Variants in CRB1 observed in about 807,000 individuals in gnomAD.
CRB1 encodes crumbs cell polarity complex component 1.
CRB1 carries 83 observed loss-of-function variants against 120.0 expected under a neutral mutation model. The observed-to-expected ratio is 0.69, with a 90% CI of 0.58 to 0.83. CRB1 has a LOEUF of 0.83. Ranked by LOEUF, CRB1 falls within the 40% of genes least tolerant of loss-of-function variation. CRB1 has a pLI of 0.00. For missense variants in CRB1, 1,699 were observed against 1,687.6 expected (o/e 1.01, Z -0.12); for synonymous variants, 625 against 612.5 (o/e 1.02, Z -0.30).
the CRB1 span, among the ~76,000 whole-genome samples, chr1:197,255,364 A>G: frequency 6.6e-6 from 1 of 152,052 alleles, no homozygotes; most frequent in East Asian, 1.9e-4. Context: ...ATTCATATCT[A>G]TTCTCTTGAA....
chr1:197,212,613 G>T, the CRB1 span, among the ~76,000 whole-genome samples: 1 of 152,108 alleles, frequency 6.6e-6, no homozygotes, highest in Non-Finnish European at 1.5e-5. Flanking sequence ...AACAAGGGTA[G>T]GGGAAGTGTG....
At chr1:197,442,662 A>G in intron 11 of CRB1, 3 of 710,520 alleles carry the variant, frequency 4.2e-6, no homozygotes, top group Non-Finnish European at 6.3e-6. Flanking sequence ...TATTGTGTGT[A>G]TTTAGTACAA....
the CRB1 span, among the ~76,000 whole-genome samples, chr1:197,216,299 C>A: frequency 6.6e-6 from 1 of 152,138 alleles, no homozygotes; most frequent in Non-Finnish European, 1.5e-5. Context: ...TGGGTGCTTG[C>A]CTACTCACCT....
At chr1:197,416,691 T>C (rs1180698418) in intron 5 of CRB1, among the ~76,000 whole-genome samples, 2 of 152,102 alleles carry the variant, frequency 1.3e-5, no homozygotes, top group African/African-American at 4.8e-5. Context: ...GTTTATACTT[T>C]TTTATTTTTT....
chr1:197,401,066 A>T (rs951026116), intron 5 of CRB1, among the ~76,000 whole-genome samples: 1 of 151,906 alleles, frequency 6.6e-6, no homozygotes, highest in African/African-American at 2.4e-5. Context: ...ATATCTTTAA[A>T]CTTCCTTTTT....
intron 11 of CRB1, among the ~76,000 whole-genome samples, chr1:197,448,686 T>G (rs1665816789): frequency 6.6e-6 from 1 of 152,216 alleles, no homozygotes; most frequent in African/African-American, 2.4e-5. Context: ...AGATCTTGTA[T>G]AGACTCTTCT....
chr1:197,328,532 A>G lies in CRB1; in HGVS notation c.181A>G (p.Asn61Asp). Residue 61 changes from asparagine (N) to aspartate (D), a missense_variant, in exon 2 of 12, where the codon AAT becomes GAT. Physicochemically the swap from Asn to Asp is conservative, Grantham distance 23 (BLOSUM62 1). Transcript: ENST00000367400. ...DNDCSCSDTA[N>D]NLDKDCDNMK... ...TGATTGTTCTTGTTCAGACACAGCC[A>G]ATAATTTGGACAAAGACTGTGACAA... 6.2e-7 allele frequency: 1 copy of G among 1,614,204 alleles called. No individual in the cohort carries two copies. Among genetic ancestry groups the G allele is most frequent in the Non-Finnish European group, 8.5e-7 (1 of 1,180,008 alleles).
rs1403502944 is a variant in CRB1 at position 197,328,447 on chromosome 1, C to G, written c.96C>G (p.Thr32=). 2.5e-6 allele frequency: 4 copies of G among 1,613,604 alleles called. No homozygotes were observed. The African/African-American group carries it at 4.0e-5, about 16-fold the overall frequency. Residue 32 remains threonine (T), a synonymous_variant, in exon 2 of 12, where the codon ACC becomes ACG. Transcript: ENST00000367400. ...ATTCCTTTTGCAATAAAAACAACAC[C>G]AGGTGCCTCTCAAATTCTTGCCAAA... ...IKNSFCNKNN[T]RCLSNSCQNN...
At chr1:197,410,649 T>C (rs1479355762) in intron 5 of CRB1, among the ~76,000 whole-genome samples, 1 of 152,238 alleles carries the variant, frequency 6.6e-6, no homozygotes, top group Non-Finnish European at 1.5e-5. Flanking sequence ...TATGAATTTA[T>C]GAAAATGTCA....
chr1:197,347,554 T>A, intron 4 of CRB1, 75 bp downstream of exon 4: 1 of 1,443,536 alleles, frequency 6.9e-7, no homozygotes, highest in Admixed American at 1.7e-5. Flanking sequence ...GCAAATGAAA[T>A]GAAAAATTAT....
At chr1:197,234,860 G>T in the CRB1 span, among the ~76,000 whole-genome samples, 1 of 152,210 alleles carries the variant, frequency 6.6e-6, no homozygotes, top group African/African-American at 2.4e-5. Flanking sequence ...AGTCAATTAG[G>T]CCAGATAATT....
At chr1:197,275,130 C>T (rs1016153510) in intron 1 of CRB1, among the ~76,000 whole-genome samples, 1 of 151,948 alleles carries the variant, frequency 6.6e-6, no homozygotes, top group African/African-American at 2.4e-5. Flanking sequence ...CTTTATCTGT[C>T]TACCTCTCTT....
chr1:197,425,452 C>T (rs1025475129), intron 6 of CRB1, among the ~76,000 whole-genome samples: 1 of 152,172 alleles, frequency 6.6e-6, no homozygotes, highest in Non-Finnish European at 1.5e-5. Flanking sequence ...TTTGCCCAAA[C>T]TTCAGCTGGG....
chr1:197,276,633 A>C (rs1655224058), intron 1 of CRB1, among the ~76,000 whole-genome samples: 1 of 151,948 alleles, frequency 6.6e-6, no homozygotes, highest in Non-Finnish European at 1.5e-5. Flanking sequence ...GACCATGAGG[A>C]TATCACAGTG....
chr1:197,360,848 C>T (rs1404771686), intron 5 of CRB1, among the ~76,000 whole-genome samples: 3 of 152,180 alleles, frequency 2.0e-5, no homozygotes, highest in African/African-American at 4.8e-5. Context: ...TTGCTTCATT[C>T]ACCATTTTAG....
At position 197,421,366 on chromosome 1, in the gene CRB1, G is replaced by C; in HGVS notation, c.1538G>C (p.Arg513Thr). ...GGCTCAGTTTGTAACATAGCCCTCAGGTTTCAGACTGTTCAGCCAATGGCT... is the reference window on the plus strand; with the variant it reads ...GGCTCAGTTTGTAACATAGCCCTCACGTTTCAGACTGTTCAGCCAATGGCT... ...TKGSVCNIAL[R>T]FQTVQPMALL... Residue 513 changes from arginine to threonine, a missense_variant, in exon 6 of 12, where the codon AGG becomes ACG. Transcript: ENST00000367400. 6.2e-7 allele frequency: 1 copy of C among 1,614,190 alleles called. No individual in the cohort carries two copies. The highest frequency in any genetic ancestry group is 1.3e-5 in the African/African-American group (1 of 75,042).
chr1:197,256,526 C>T, the CRB1 span, among the ~76,000 whole-genome samples: 1 of 152,112 alleles, frequency 6.6e-6, no homozygotes, highest in Non-Finnish European at 1.5e-5. Flanking sequence ...TAAGACACTT[C>T]TTAAAATTTA....
chr1:197,468,581 A>G (rs185836124), intron 11 of CRB1, among the ~76,000 whole-genome samples: 2 of 152,262 alleles, frequency 1.3e-5, no homozygotes, highest in African/African-American at 4.8e-5. Context: ...ATAATAATTG[A>G]TCAGCCACTT....
At chr1:197,293,668 C>T (rs1046410301) in intron 1 of CRB1, among the ~76,000 whole-genome samples, 5 of 152,128 alleles carry the variant, frequency 3.3e-5, no homozygotes, top group Non-Finnish European at 7.4e-5. Context: ...GACTATACTA[C>T]AAGCCTACAG....
Sources: gnomAD v4.1 joint callset for allele counts (sites outside exome capture counted in the v4.1 genomes callset) on GRCh38, gnomAD v4.1.1 for gene constraint, MANE v1.5 for transcripts, NCBI Gene and HGNC (gene_info 2026-07-23, HGNC 2026-07-21) for gene names.